The following PAM variants were observed in gnomAD, a reference collection of about 807,000 sequenced individuals.
The protein encoded by PAM is peptidyl-glycine alpha-amidating monooxygenase.
Under a neutral mutation model 122.1 loss-of-function variants are expected in PAM, and 72 were observed. That is an observed-to-expected ratio of 0.59 (90% CI 0.49 to 0.72). The LOEUF is 0.72. Among genes scored for constraint, PAM ranks in the 30% least tolerant of loss-of-function variants. The pLI is 0.00. For synonymous variants in PAM, 389 were observed against 404.4 expected, an observed-to-expected ratio of 0.96 and a Z score of 0.46; for missense variants, 1,106 against 1,183.7, an observed-to-expected ratio of 0.93 and a Z score of 0.96.
intron 18 of PAM, among the ~76,000 whole-genome samples, chr5:103,006,096 G>C (rs1023490391): frequency 1.3e-5 from 2 of 151,958 alleles, no homozygotes; most frequent in African/African-American, 4.8e-5. Context: ...CAGCATACTT[G>C]GCTAATTTTT....
intron 1 of PAM, among the ~76,000 whole-genome samples, chr5:102,795,380 T>C (rs578119230): frequency 1.6e-4 from 25 of 152,098 alleles, no homozygotes; most frequent in African/African-American, 6.0e-4. Context: ...CAGGAAGAAA[T>C]GTTTTAAACT....
Position 102,901,359 on chromosome 5 carries a change from G to A in PAM, c.214G>A (p.Asp72Asn), listed in dbSNP as rs1688137663. The A allele has an allele frequency of 3.2e-6, 5 of 1,557,306 alleles. No homozygotes were observed. The highest frequency in any genetic ancestry group is 1.4e-5 in the African/African-American group (1 of 73,522). Residue 72 changes from aspartate (D) to asparagine (N), a missense_variant, in exon 4 of 26, where the codon GAT (aspartate) becomes AAT (asparagine). By Grantham distance (23) the Asp-to-Asn change is conservative. Transcript: ENST00000438793. Reference protein sequence around the residue: ...RMPGVTPKQSDTYFCMSMRIP... With the variant: ...RMPGVTPKQSNTYFCMSMRIP... ...TTTTTAATCTTTTTTTTAATAGTCC[G>A]ATACATACTTCTGCATGTCTATGCG... is the stretch of plus-strand genomic sequence containing the variant.
intron 1 of PAM, among the ~76,000 whole-genome samples, chr5:102,845,171 A>C (rs80231331): frequency 0.012 from 1,864 of 152,328 alleles, 33 homozygotes; most frequent in African/African-American, 0.042. Context: ...AACTAAGGTG[A>C]CTTTTAAAAT....
chr5:102,755,191 G>C (rs909776882), upstream of PAM: 2 of 152,476 alleles, frequency 1.3e-5, no homozygotes, highest in African/African-American at 4.8e-5. Context: ...GGCTGGGCCC[G>C]GCGCACGCCG....
chr5:103,026,961 T>C (rs961926556), intron 24 of PAM, among the ~76,000 whole-genome samples: 1 of 152,192 alleles, frequency 6.6e-6, no homozygotes, highest in African/African-American at 2.4e-5. Context: ...TGTTACATGA[T>C]GCTGACTTTA....
chr5:102,802,929 G>A (rs1765158228), intron 1 of PAM, among the ~76,000 whole-genome samples: 2 of 151,692 alleles, frequency 1.3e-5, no homozygotes, highest in South Asian at 4.2e-4. Flanking sequence ...GCTAGCCTCA[G>A]CAACATAGCG....
chr5:103,027,731 A>C (rs925550170), intron 24 of PAM, among the ~76,000 whole-genome samples: 8 of 152,224 alleles, frequency 5.3e-5, no homozygotes, highest in African/African-American at 1.7e-4. Context: ...AGCTGAAGGC[A>C]AATATCCCTA....
At chr5:102,838,417 A>G (rs1777669766) in intron 1 of PAM, 3 of 152,152 alleles carry the variant, frequency 2.0e-5, no homozygotes, top group East Asian at 1.9e-4. Flanking sequence ...CAATTATTAT[A>G]CAGTAAAAGA....
intron 3 of PAM, among the ~76,000 whole-genome samples, chr5:102,881,133 C>CACACACACACAT (rs1443920147): frequency 1.1e-4 from 16 of 150,562 alleles, no homozygotes; most frequent in African/African-American, 3.2e-4. Context: ...TATACATACA[C>CACACACACACAT]ACACACACAC....
At chr5:102,904,807 C>T (rs1799041128) in intron 4 of PAM, among the ~76,000 whole-genome samples, 1 of 151,522 alleles carries the variant, frequency 6.6e-6, no homozygotes, top group South Asian at 2.1e-4. Flanking sequence ...AGTCAAAATT[C>T]GATTTGAATA....
At position 102,993,251 on chromosome 5, in the gene PAM, C is replaced by G. The variant is rs574822341; in HGVS notation, c.1613+2850C>G. 1.5e-3 allele frequency among the ~76,000 whole-genome samples: 232 copies of G among 152,188 alleles called. 1 individual carries two copies. The highest frequency in any genetic ancestry group is 5.4e-3 in the African/African-American group (224 of 41,550). On this transcript the variant is annotated intron_variant, in intron 16 of 25. Transcript: ENST00000438793. The stretch of plus-strand genomic sequence containing the variant: ...AACTTTAAAGAGTCTCTTGTCTGCC[C>G]TGGTGTTAGGGCAGCATGGCAGCTA...
At chr5:102,926,240 G>A (rs1455201713) in intron 6 of PAM, among the ~76,000 whole-genome samples, 14 of 152,210 alleles carry the variant, frequency 9.2e-5, no homozygotes, top group Admixed American at 3.3e-4. Context: ...GACTACAGGC[G>A]CCCGCCACCG....
At chr5:102,832,097 T>C (rs1233527579) in intron 1 of PAM, among the ~76,000 whole-genome samples, 1 of 152,168 alleles carries the variant, frequency 6.6e-6, no homozygotes, top group Admixed American at 6.5e-5. Context: ...AATTCAGAAA[T>C]GTCCAAATTA....
At chr5:102,940,524 TAAGA>T (rs1754846355) in intron 7 of PAM, among the ~76,000 whole-genome samples, 1 of 148,870 alleles carries the variant, frequency 6.7e-6, no homozygotes, top group Admixed American at 6.8e-5. Flanking sequence ...ATATCAGAGG[TAAGA>T]AAGTGATATA....
chr5:102,788,186 C>T (rs990827626), intron 1 of PAM, among the ~76,000 whole-genome samples: 1 of 151,928 alleles, frequency 6.6e-6, no homozygotes, highest in African/African-American at 2.4e-5. Context: ...TATAATTTAA[C>T]CACAGCCTGC....
At chr5:102,805,429 T>A (rs974799413) in intron 1 of PAM, among the ~76,000 whole-genome samples, 1 of 152,196 alleles carries the variant, frequency 6.6e-6, no homozygotes, top group African/African-American at 2.4e-5. Context: ...ATTGTTTGGA[T>A]GTCTTTGAAG....
chr5:102,814,925 C>T (rs1347474103), intron 1 of PAM, among the ~76,000 whole-genome samples: 1 of 151,914 alleles, frequency 6.6e-6, no homozygotes, highest in African/African-American at 2.4e-5. Flanking sequence ...CTTTCTTATA[C>T]AAATCCATGT....
chr5:102,831,087 C>T (rs978407009), intron 1 of PAM, among the ~76,000 whole-genome samples: 5 of 136,126 alleles, frequency 3.7e-5, no homozygotes, highest in Non-Finnish European at 6.4e-5. Context: ...AATTTGACAT[C>T]CTTCAATAAA....
intron 1 of PAM, among the ~76,000 whole-genome samples, chr5:102,786,143 C>T (rs1450799557): frequency 6.6e-6 from 1 of 152,112 alleles, no homozygotes; most frequent in Non-Finnish European, 1.5e-5. Context: ...ACTGAGAGGA[C>T]ACAAGCAAGA....
Sources: gnomAD v4.1 joint callset for allele counts (sites outside exome capture counted in the v4.1 genomes callset) on GRCh38, gnomAD v4.1.1 for gene constraint, MANE v1.5 for transcripts, NCBI Gene and HGNC (gene_info 2026-07-23, HGNC 2026-07-21) for gene names.